GPC5: variants seen among roughly 807,000 people sequenced by gnomAD.
GPC5 encodes glypican-5.
GPC5 carries 47 observed loss-of-function variants against 53.9 expected under a neutral mutation model. That is an observed-to-expected ratio of 0.87 (90% CI 0.69 to 1.11). The LOEUF (loss-of-function observed/expected upper bound fraction) is 1.11, where lower values mean the gene tolerates loss of function less well. GPC5 is among the 50% of genes most tolerant of loss of function. The pLI, the probability that GPC5 is intolerant of heterozygous loss-of-function variation, is 0.00. For synonymous variants in GPC5, 286 were observed against 263.3 expected, an observed-to-expected ratio of 1.09 and a Z score of -0.84; for missense variants, 748 against 713.1, an observed-to-expected ratio of 1.05 and a Z score of -0.56.
chr13:92,183,509 C>A (rs1423963328), intron 7 of GPC5, among the ~76,000 whole-genome samples: 1 of 152,058 alleles, frequency 6.6e-6, no homozygotes, highest in Non-Finnish European at 1.5e-5. Context: ...TGTACCAATT[C>A]AATCCTGATT....
At chr13:91,766,533 C>T (rs931973184) in intron 5 of GPC5, among the ~76,000 whole-genome samples, 1 of 152,156 alleles carries the variant, frequency 6.6e-6, no homozygotes, top group African/African-American at 2.4e-5. Context: ...AAGACATATT[C>T]ATTAATCTCT....
At chr13:92,129,001 C>T (rs1215307532) in intron 6 of GPC5, among the ~76,000 whole-genome samples, 1 of 152,004 alleles carries the variant, frequency 6.6e-6, no homozygotes, top group Admixed American at 6.6e-5. Context: ...TTCAAGAATA[C>T]CAAAGCAACT....
At chr13:92,139,604 T>C (rs1016812919) in intron 6 of GPC5, among the ~76,000 whole-genome samples, 1 of 144,866 alleles carries the variant, frequency 6.9e-6, no homozygotes, top group Non-Finnish European at 1.5e-5. Flanking sequence ...GAGGCAGAGG[T>C]TGCAGTGAGC....
chr13:92,365,631 C>T (rs1311151217), intron 7 of GPC5, among the ~76,000 whole-genome samples: 1 of 151,234 alleles, frequency 6.6e-6, no homozygotes, highest in Non-Finnish European at 1.5e-5. Context: ...CCTTATTCTA[C>T]AACCTTTTTA....
chr13:91,649,181 G>T lies in GPC5; in HGVS notation c.326-44006G>T, dbSNP rs1348663. 1.9e-3 allele frequency among the ~76,000 whole-genome samples: 292 copies of T among 151,994 alleles called. 2 individuals are homozygous for T. The highest frequency in any genetic ancestry group is 6.6e-3 in the African/African-American group (274 of 41,422). On this transcript the variant is annotated intron_variant, in intron 2 of 7. Coordinates refer to ENST00000377067, the MANE Select transcript of GPC5 (RefSeq NM_004466.6). ...TTAAGTTTCCTGAGACCTCCCCAGCGCTGTGGAACTGTGAATCAACTAAAC... is the reference window on the plus strand; with the variant it reads ...TTAAGTTTCCTGAGACCTCCCCAGCTCTGTGGAACTGTGAATCAACTAAAC...
intron 1 of GPC5, among the ~76,000 whole-genome samples, chr13:91,406,824 C>T (rs1282343307): frequency 6.6e-6 from 1 of 152,150 alleles, no homozygotes; most frequent in East Asian, 1.9e-4. Flanking sequence ...AAAGCACCAC[C>T]CAAATAAAGC....
Position 92,025,281 on chromosome 13 carries a change from G to C in GPC5, c.1401+117224G>C, listed in dbSNP as rs1202325522. Among the ~76,000 whole-genome samples, 4 of 152,216 alleles carry C rather than the reference G, an allele frequency of 2.6e-5. No individual in the cohort carries two copies. The East Asian group carries it at 7.7e-4, about 29-fold the overall frequency. On this transcript the variant is annotated intron_variant, in intron 6 of 7. Transcript: ENST00000377067. ...GACTACACAGATCTCAAGAACAAAA[G>C]ACAAAGATAAGGCTTTTAAAGTGAT... is the stretch of plus-strand genomic sequence containing the variant.
intron 2 of GPC5, among the ~76,000 whole-genome samples, chr13:91,514,920 A>G (rs1435172025): frequency 6.6e-6 from 1 of 152,226 alleles, no homozygotes; most frequent in African/African-American, 2.4e-5. Context: ...GTCTAGAACT[A>G]AAGAATACTT....
At chr13:91,705,354 A>G (rs910270907) in intron 3 of GPC5, among the ~76,000 whole-genome samples, 9 of 152,074 alleles carry the variant, frequency 5.9e-5, no homozygotes, top group Non-Finnish European at 1.3e-4. Flanking sequence ...TCCTTATTCT[A>G]TTTTCAGCTA....
chr13:92,449,312 C>A (rs1159024042), intron 7 of GPC5, among the ~76,000 whole-genome samples: 1 of 152,090 alleles, frequency 6.6e-6, no homozygotes, highest in Non-Finnish European at 1.5e-5. Context: ...GGCCCTTGAC[C>A]TCTGCACTTT....
rs1192684157 is a variant in GPC5 at position 92,867,001 on chromosome 13, A to G, written c.*562A>G. On this transcript the variant is annotated 3_prime_UTR_variant, in exon 8 of 8. Coordinates refer to ENST00000377067, the MANE Select transcript of GPC5 (RefSeq NM_004466.6). ...GGTAGATTCTTGAGAAGCATTTCAT[A>G]TAATTTCACTGAAGAACCTTGATAA... The G allele has an allele frequency of 1.3e-5, 2 of 152,158 alleles. No individual in the cohort carries two copies. The highest frequency in any genetic ancestry group is 3.9e-4 in the East Asian group (2 of 5,192). The allele number at this position is 152,158 out of a possible 1,614,324, so 9.4% of individuals were successfully genotyped here. A position where few individuals can be genotyped will look rare whatever the true frequency, so the allele number is the denominator to read the frequency against.
At chr13:92,684,505 G>A (rs1247449533) in intron 7 of GPC5, among the ~76,000 whole-genome samples, 6 of 151,894 alleles carry the variant, frequency 4.0e-5, no homozygotes, top group Admixed American at 6.6e-5. Flanking sequence ...TCCTGACCTC[G>A]CGATCCACCC....
intron 7 of GPC5, among the ~76,000 whole-genome samples, chr13:92,332,827 C>A (rs1009577779): frequency 6.6e-5 from 10 of 152,122 alleles, no homozygotes; most frequent in African/African-American, 1.2e-4. Flanking sequence ...TAGATACTTT[C>A]TTTTCCTAGA....
At chr13:92,528,628 C>A (rs1223567780) in intron 7 of GPC5, among the ~76,000 whole-genome samples, 1 of 151,902 alleles carries the variant, frequency 6.6e-6, no homozygotes, top group East Asian at 1.9e-4. Context: ...TAAATTAACT[C>A]ACTGTCTTCA....
At chr13:91,868,407 G>T (rs1734323868) in intron 5 of GPC5, among the ~76,000 whole-genome samples, 1 of 152,110 alleles carries the variant, frequency 6.6e-6, no homozygotes, top group Admixed American at 6.5e-5. Context: ...GTAATATGAG[G>T]TAAAGTATAG....
intron 5 of GPC5, among the ~76,000 whole-genome samples, chr13:91,826,241 T>C (rs1047059120): frequency 2.0e-5 from 3 of 152,196 alleles, no homozygotes; most frequent in African/African-American, 7.2e-5. Context: ...AGCAGTCATA[T>C]TAAATACGTT....
intron 7 of GPC5, among the ~76,000 whole-genome samples, chr13:92,765,697 A>C (rs750490915): frequency 2.6e-5 from 4 of 152,148 alleles, no homozygotes; most frequent in Non-Finnish European, 4.4e-5. Context: ...AAAATTGCAT[A>C]TGTGACCAAG....
chr13:92,866,192 G>C (rs1378394376), intron 7 of GPC5, 90 bp from the exon 8 acceptor site: 90 of 1,135,510 alleles, frequency 7.9e-5, no homozygotes, highest in Non-Finnish European at 1.0e-4. Flanking sequence ...CAAAAACAAT[G>C]CTGTCCACAC....
intron 7 of GPC5, among the ~76,000 whole-genome samples, chr13:92,701,069 A>G (rs1887721280): frequency 6.6e-6 from 1 of 152,134 alleles, no homozygotes; most frequent in Admixed American, 6.6e-5. Context: ...ATGCTAAATA[A>G]TTTGACTTGT....
Sources: gnomAD v4.1 joint callset for allele counts (sites outside exome capture counted in the v4.1 genomes callset) on GRCh38, gnomAD v4.1.1 for gene constraint, MANE v1.5 for transcripts, NCBI Gene and HGNC (gene_info 2026-07-23, HGNC 2026-07-21) for gene names.